SOX6: variants seen among roughly 807,000 people sequenced by gnomAD.
SOX6 encodes SRY-box transcription factor 6.
A neutral mutation model predicts 97.8 loss-of-function variants in SOX6; 11 were observed. The observed-to-expected ratio is 0.11, with a 90% CI of 0.07 to 0.19. SOX6 has a LOEUF of 0.19. Ranked by LOEUF, SOX6 falls within the 10% of genes least tolerant of loss-of-function variation. The pLI, the probability that SOX6 is intolerant of heterozygous loss-of-function variation, is 1.00. For missense variants in SOX6, 810 were observed against 1,039.5 expected (o/e 0.78, Z 3.04); for synonymous variants, 360 against 371.4 (o/e 0.97, Z 0.35).
chr11:16,194,698 T>C lies in SOX6; in HGVS notation c.536-7743A>G, dbSNP rs549716534. ...CACTCAAGTCTCCTACTTCCCCTCTTCCTGGCTGCAAAAGGAAGTCTATTC... is the reference window on the plus strand; with the variant it reads ...CACTCAAGTCTCCTACTTCCCCTCTCCCTGGCTGCAAAAGGAAGTCTATTC... On this transcript the variant is annotated intron_variant, in intron 4 of 15. Coordinates refer to ENST00000683767, the MANE Select transcript of SOX6 (RefSeq NM_001367873.1). Among the ~76,000 whole-genome samples the C allele has an allele frequency of 3.3e-5, 5 of 152,308 alleles. No individual in the cohort carries two copies. In the South Asian group the frequency reaches 1.0e-3, roughly 32 times the overall value.
chr11:16,103,712 A>G (rs1386413605), intron 7 of SOX6, among the ~76,000 whole-genome samples: 1 of 151,966 alleles, frequency 6.6e-6, no homozygotes, highest in Non-Finnish European at 1.5e-5. Flanking sequence ...GAATGAAATA[A>G]TGGCATTCAC....
At chr11:16,488,793 C>T (rs1344467338) in intron 4 of SOX6, among the ~76,000 whole-genome samples, 1 of 152,124 alleles carries the variant, frequency 6.6e-6, no homozygotes, top group Non-Finnish European at 1.5e-5. Context: ...GTATCTTCTT[C>T]ATAACAATTT....
intron 9 of SOX6, among the ~76,000 whole-genome samples, chr11:16,064,914 T>C (rs1590171381): frequency 6.6e-6 from 1 of 152,044 alleles, no homozygotes; most frequent in Non-Finnish European, 1.5e-5. Context: ...AATACCATAC[T>C]CAATGGAGAA....
intron 4 of SOX6, among the ~76,000 whole-genome samples, chr11:16,571,808 C>T (rs1373225766): frequency 1.3e-5 from 2 of 152,094 alleles, no homozygotes; most frequent in East Asian, 1.9e-4. Flanking sequence ...CACTCTGCCA[C>T]GTCTGGCTAA....
In SOX6 at chr11:16,461,581, G is replaced by A. The variant is rs115658400; in HGVS notation, c.-5+14734C>T. On this transcript the variant is annotated intron_variant, in intron 1 of 15. Transcript: ENST00000396356. ...CGTCTAGCCCATATTCCCCACACTT[G>A]TGCTAGTCCCCTTACTAGCAGGATG... 8.5e-3 allele frequency among the ~76,000 whole-genome samples: 1,294 copies of A among 152,082 alleles called. 21 individuals are homozygous for A. The highest frequency in any genetic ancestry group is 0.028 in the African/African-American group (1,180 of 41,476).
intron 13 of SOX6, among the ~76,000 whole-genome samples, chr11:16,009,642 A>G (rs1385694533): frequency 6.6e-6 from 1 of 152,072 alleles, no homozygotes; most frequent in African/African-American, 2.4e-5. Context: ...GAACAGATGT[A>G]AAACGACTAC....
rs116662486 is a variant in SOX6 at position 16,471,483 on chromosome 11, T to A, written c.-5+4832A>T. ...ACTTGCACACCTTACTAAGAAACCT[T>A]CCCATGGCCATGAGGTATAACTTTC... On this transcript the variant is annotated intron_variant, in intron 1 of 15. Transcript: ENST00000396356. Among the ~76,000 whole-genome samples, 473 of 152,206 alleles carry A rather than the reference T, an allele frequency of 3.1e-3. 4 individuals carry two copies. The highest frequency in any genetic ancestry group is 0.011 in the African/African-American group (446 of 41,528).
intron 6 of SOX6, among the ~76,000 whole-genome samples, chr11:16,140,100 C>G (rs1850090891): frequency 6.6e-6 from 1 of 151,906 alleles, no homozygotes; most frequent in Non-Finnish European, 1.5e-5. Context: ...CTCTCTATCT[C>G]TTACATATTA....
In SOX6 at chr11:16,622,343, A is replaced by T. The variant is rs117549179; in HGVS notation, n.430-10083T>A. 7.5e-3 allele frequency among the ~76,000 whole-genome samples: 1,147 copies of T among 152,214 alleles called. 9 individuals are homozygous for T. Among genetic ancestry groups the T allele is most frequent in the Non-Finnish European group, 0.014 (951 of 68,018 alleles). On this transcript the variant is annotated intron_variant and non_coding_transcript_variant, in intron 3 of 5. Coordinates refer to the SOX6 transcript ENST00000524520. ...TACATGAATAAGTTCTTTAGTGGTG[A>T]TTTCTGAGATTTGGGTACACCCACC...
chr11:16,078,919 G>A (rs1554926424), intron 9 of SOX6, among the ~76,000 whole-genome samples: 1 of 152,184 alleles, frequency 6.6e-6, no homozygotes, highest in Non-Finnish European at 1.5e-5. Context: ...AGAGACCAGT[G>A]TAGCTGAGCT....
chr11:16,656,300 T>C (rs1300087221), intron 3 of SOX6, among the ~76,000 whole-genome samples: 1 of 152,034 alleles, frequency 6.6e-6, no homozygotes, highest in Admixed American at 6.6e-5. Context: ...ATGGTCTCAA[T>C]CTCCTGACCT....
At chr11:16,353,360 A>G (rs1005078795) in intron 1 of SOX6, among the ~76,000 whole-genome samples, 3 of 152,094 alleles carry the variant, frequency 2.0e-5, no homozygotes, top group Non-Finnish European at 2.9e-5. Flanking sequence ...ACTACTATAT[A>G]ACATTACATA....
chr11:16,657,808 A>T (rs1847735139), intron 3 of SOX6, among the ~76,000 whole-genome samples: 1 of 152,050 alleles, frequency 6.6e-6, no homozygotes, highest in South Asian at 2.1e-4. Flanking sequence ...TCTTTTGCCC[A>T]TTTTTTAATT....
chr11:16,523,873 G>C (rs1425463248), intron 4 of SOX6, among the ~76,000 whole-genome samples: 1 of 152,180 alleles, frequency 6.6e-6, no homozygotes, highest in Non-Finnish European at 1.5e-5. Context: ...AAACAAACTA[G>C]AAAATCTAGA....
At chr11:16,591,115 G>A (rs1009946463) in intron 4 of SOX6, among the ~76,000 whole-genome samples, 4 of 151,942 alleles carry the variant, frequency 2.6e-5, no homozygotes, top group Admixed American at 1.3e-4. Context: ...GTATACCATG[G>A]TAAAATCTTT....
At chr11:16,281,303 G>A (rs1854554773) in intron 3 of SOX6, among the ~76,000 whole-genome samples, 1 of 151,604 alleles carries the variant, frequency 6.6e-6, no homozygotes, top group Non-Finnish European at 1.5e-5. Flanking sequence ...CTGCCTGCAT[G>A]CTCTCTCTCT....
chr11:16,408,641 T>C (rs1335640877), intron 1 of SOX6: 2 of 152,228 alleles, frequency 1.3e-5, no homozygotes, highest in East Asian at 3.9e-4. Context: ...TAAACTATTT[T>C]TTACAGGATG....
chr11:16,512,351 C>T (rs1860893683), intron 4 of SOX6, among the ~76,000 whole-genome samples: 1 of 152,158 alleles, frequency 6.6e-6, no homozygotes, highest in Non-Finnish European at 1.5e-5. Flanking sequence ...TACATCACAC[C>T]ACATTCATCT....
At chr11:16,020,290 G>T (rs1439898261) in intron 12 of SOX6, among the ~76,000 whole-genome samples, 1 of 151,958 alleles carries the variant, frequency 6.6e-6, no homozygotes, top group Non-Finnish European at 1.5e-5. Context: ...AACTACCCCA[G>T]CACATGTCTT....
Sources: allele counts gnomAD v4.1 joint callset (sites outside exome capture counted in the v4.1 genomes callset), GRCh38; gene constraint gnomAD v4.1.1; transcripts MANE v1.5; gene names NCBI Gene and HGNC (gene_info 2026-07-23, HGNC 2026-07-21).